Variants in RGS6 observed in about 807,000 individuals in gnomAD.
RGS6 encodes the protein regulator of G-protein signaling 6.
A neutral mutation model predicts 78.5 loss-of-function variants in RGS6; 30 were observed. That is an observed-to-expected ratio of 0.38 (90% CI 0.29 to 0.52). RGS6 has a LOEUF of 0.52. Ranked by LOEUF, RGS6 falls within the 20% of genes least tolerant of loss-of-function variation. The pLI, the probability that RGS6 is intolerant of heterozygous loss-of-function variation, is 0.85. For synonymous variants in RGS6, 206 were observed against 206.0 expected (o/e 1.00, Z 0.00); for missense variants, 495 against 609.7 (o/e 0.81, Z 1.98).
chr14:72,100,924 C>G (rs1054166516), intron 2 of RGS6, among the ~76,000 whole-genome samples: 2 of 152,086 alleles, frequency 1.3e-5, no homozygotes, highest in Non-Finnish European at 2.9e-5. Context: ...TTTGGGATGC[C>G]AAGGCAGGTG....
chr14:71,917,363 T>TCTG, the RGS6 span, among the ~76,000 whole-genome samples: 38 of 151,798 alleles, frequency 2.5e-4, no homozygotes, highest in African/African-American at 7.8e-4. Context: ...CACACCCTTT[T>TCTG]CTGCTGCTGC....
intron 2 of RGS6, among the ~76,000 whole-genome samples, chr14:72,039,812 G>GTTTTTTTT (rs1555447720): frequency 2.8e-4 from 6 of 21,478 alleles, no homozygotes; most frequent in Non-Finnish European, 5.3e-4. Flanking sequence ...GTGTTTCATT[G>GTTTTTTTT]ATTTTTTTTT....
intron 2 of RGS6, among the ~76,000 whole-genome samples, chr14:72,124,409 C>T (rs148168774): frequency 6.4e-4 from 97 of 152,204 alleles, no homozygotes; most frequent in Non-Finnish European, 8.1e-4. Flanking sequence ...AGCAGGGCAA[C>T]GAATGAGCCT....
Position 72,035,435 on chromosome 14 carries a change from G to GT in RGS6, c.84+70567dup, listed in dbSNP as rs528898331. On this transcript the variant is annotated intron_variant, in intron 2 of 17. Transcript: ENST00000553525. ...TCTTTAAAAAAACTCAATTTTTGTT[G>GT]TTTTTTTCTATTATTTTTCTATTCT... Among the ~76,000 whole-genome samples the GT allele has an allele frequency of 4.6e-5, 7 of 151,140 alleles. No individual in the cohort carries two copies. In the South Asian group the frequency reaches 8.4e-4, roughly 18 times the overall value.
In RGS6 at chr14:72,407,602, G is replaced by A. The variant is rs569082200; in HGVS notation, c.185-46926G>A. ...CTGCCACGTAATCCCCTCAAGGTCC[G>A]TGTTATTCTAGACAGTAAACCGGGA... On this transcript the variant is annotated intron_variant, in intron 3 of 17. Coordinates refer to ENST00000553525, the MANE Select transcript of RGS6 (RefSeq NM_001204424.2). Among the ~76,000 whole-genome samples, 14 of 152,312 alleles carry A rather than the reference G, an allele frequency of 9.2e-5. 1 individual carries two copies. Among genetic ancestry groups the A allele is most frequent in the South Asian group, 4.1e-4 (2 of 4,828 alleles).
At position 72,319,381 on chromosome 14, in the gene RGS6, G is replaced by A. The variant is rs2071238608; in HGVS notation, c.85-32714G>A. Among the ~76,000 whole-genome samples, 3 of 145,116 alleles carry A rather than the reference G, an allele frequency of 2.1e-5. 1 individual carries two copies. The highest frequency in any genetic ancestry group is 4.3e-4 in the South Asian group (2 of 4,618). On this transcript the variant is annotated intron_variant, in intron 2 of 17. Coordinates refer to ENST00000553525, the MANE Select transcript of RGS6 (RefSeq NM_001204424.2). ...TTTTTTTTTTTTGAGACGGAGTCTCGCCCTGTTGCCCAGGCTGGAGTGCAG... is the reference window on the plus strand; with the variant it reads ...TTTTTTTTTTTTGAGACGGAGTCTCACCCTGTTGCCCAGGCTGGAGTGCAG...
intron 2 of RGS6, among the ~76,000 whole-genome samples, chr14:72,259,103 C>G (rs2057633756): frequency 6.6e-6 from 1 of 152,166 alleles, no homozygotes; most frequent in African/African-American, 2.4e-5. Flanking sequence ...ATAGTGTCTG[C>G]TACACAGAGA....
At chr14:72,052,983 TTCTCTCTCTC>T (rs372866325) in intron 2 of RGS6, among the ~76,000 whole-genome samples, 1,809 of 85,518 alleles carry the variant, frequency 0.021, 55 homozygotes, top group African/African-American at 0.038. Flanking sequence ...CTTTCTTTCT[TTCTCTCTCTC>T]TCTCTCTCTC....
chr14:72,137,881 T>C (rs943974677), intron 2 of RGS6, among the ~76,000 whole-genome samples: 2 of 152,146 alleles, frequency 1.3e-5, no homozygotes, highest in Admixed American at 6.5e-5. Context: ...TACATAAATA[T>C]GATTGATCAA....
At chr14:71,886,904 T>C in the RGS6 span, among the ~76,000 whole-genome samples, 16,236 of 152,134 alleles carry the variant, frequency 0.11, 1,021 homozygotes, top group African/African-American at 0.15. Flanking sequence ...GTAATCCCAG[T>C]ACTTTGGGAG....
intron 3 of RGS6, among the ~76,000 whole-genome samples, chr14:72,430,575 C>T (rs2094586511): frequency 6.6e-6 from 1 of 152,140 alleles, no homozygotes; most frequent in Non-Finnish European, 1.5e-5. Flanking sequence ...GCTGAGATGT[C>T]CTCAGTTGTA....
chr14:72,504,921 A>ATTTTTTTTTTTTTTTTTTTTT (rs34953560), intron 13 of RGS6, among the ~76,000 whole-genome samples: 3 of 76,076 alleles, frequency 3.9e-5, no homozygotes, highest in African/African-American at 1.5e-4. Flanking sequence ...CGCCCAGCTA[A>ATTTTTTTTTTTTTTTTTTTTT]TTTTTTTTTT....
chr14:72,413,395 G>A (rs1207430455), intron 3 of RGS6, among the ~76,000 whole-genome samples: 1 of 152,104 alleles, frequency 6.6e-6, no homozygotes, highest in Non-Finnish European at 1.5e-5. Flanking sequence ...TGCAACCCCT[G>A]CCTTTTTTTG....
At chr14:72,234,275 G>A (rs765025495) in intron 2 of RGS6, among the ~76,000 whole-genome samples, 155 of 151,910 alleles carry the variant, frequency 1.0e-3, no homozygotes, top group Non-Finnish European at 1.8e-3. Flanking sequence ...TGAGAGCTGG[G>A]TCCCAACTGT....
At chr14:72,351,734 A>G (rs944928004) in intron 2 of RGS6, among the ~76,000 whole-genome samples, 1 of 152,220 alleles carries the variant, frequency 6.6e-6, no homozygotes, top group African/African-American at 2.4e-5. Context: ...TAGAAATTTC[A>G]TATGGTTCAA....
intron 2 of RGS6, among the ~76,000 whole-genome samples, chr14:71,989,813 G>GT (rs1375542061): frequency 1.3e-5 from 2 of 152,086 alleles, no homozygotes; most frequent in East Asian, 3.9e-4. Context: ...GTTGTAGATG[G>GT]TTTTTTTTGT....
the RGS6 span, among the ~76,000 whole-genome samples, chr14:72,608,671 T>C: frequency 6.6e-6 from 1 of 152,184 alleles, no homozygotes. Context: ...GCTCTACTCC[T>C]GCAGATGAAG....
chr14:72,500,488 C>A (rs912954655), intron 13 of RGS6, among the ~76,000 whole-genome samples: 1 of 152,186 alleles, frequency 6.6e-6, no homozygotes, highest in Non-Finnish European at 1.5e-5. Context: ...CACTTTCTCT[C>A]GGTTTCAGTT....
chr14:72,101,107 G>T (rs2095518747), intron 2 of RGS6, among the ~76,000 whole-genome samples: 1 of 152,182 alleles, frequency 6.6e-6, no homozygotes, highest in Non-Finnish European at 1.5e-5. Flanking sequence ...GAGCCCAGGA[G>T]GTTGAGGCTG....
Sources: gnomAD v4.1 joint callset for allele counts (sites outside exome capture counted in the v4.1 genomes callset) on GRCh38, gnomAD v4.1.1 for gene constraint, MANE v1.5 for transcripts, NCBI Gene and HGNC (gene_info 2026-07-23, HGNC 2026-07-21) for gene names.